RNF128: variants seen among roughly 807,000 people sequenced by gnomAD.
RNF128 encodes ring finger protein 128, also known as E3 ubiquitin-protein ligase RNF128.
In RNF128, 13 loss-of-function variants were observed where a neutral mutation model predicts 26.2. The observed-to-expected ratio is 0.50, with a 90% CI of 0.32 to 0.79. The LOEUF (loss-of-function observed/expected upper bound fraction) is 0.79. RNF128 is among the 30% of genes least tolerant of loss of function. The probability of loss-of-function intolerance (pLI) is 0.03; values close to 1 mark genes in which losing one functional copy is unlikely to be tolerated. For synonymous variants in RNF128, 149 were observed against 142.5 expected (o/e 1.05, Z -0.32); for missense variants, 315 against 349.7 (o/e 0.90, Z 0.79).
At chrX:106,768,513 A>G (rs1930297442) in intron 1 of RNF128, among the ~76,000 whole-genome samples, 1 of 111,786 alleles carries the variant, frequency 8.9e-6, no homozygotes, top group Non-Finnish European at 1.9e-5. Flanking sequence ...AGAGGGGTTT[A>G]TAGTATTCTC....
In RNF128 at chrX:106,727,064, TG is replaced by T; in HGVS notation, c.153del (p.Trp51CysfsTer8). The T allele has an allele frequency of 8.3e-7, 1 of 1,204,427 alleles. No individual in the cohort carries two copies. The highest frequency in any genetic ancestry group is 1.1e-6 in the Non-Finnish European group (1 of 891,981). ...AVWTAYLNVS[W>X]RVPHTGVNRT... ...GTGGACCGCGTACCTCAACGTGTCC[TG>T]GCGGGTTCCGCACACGGGAGTGAAC... On this transcript the variant is annotated frameshift_variant, in exon 1 of 7. Coordinates refer to ENST00000255499, the MANE Select transcript of RNF128 (RefSeq NM_194463.2). LOFTEE classifies it high-confidence loss of function.
intron 1 of RNF128, among the ~76,000 whole-genome samples, chrX:106,766,295 T>A (rs1285682564): frequency 6.2e-5 from 7 of 112,167 alleles, no homozygotes; most frequent in South Asian, 3.7e-4. Context: ...CGCCACACTG[T>A]CTTCCACAAT....
At chrX:106,767,378 CTT>C (rs1930271231) in intron 1 of RNF128, among the ~76,000 whole-genome samples, 1 of 111,916 alleles carries the variant, frequency 8.9e-6, no homozygotes, top group Admixed American at 9.5e-5. Context: ...TTTGTGTCCT[CTT>C]TTATTTCGTT....
chrX:106,754,298 C>A (rs1408477262), intron 1 of RNF128, among the ~76,000 whole-genome samples: 1 of 109,009 alleles, frequency 9.2e-6, no homozygotes, highest in Non-Finnish European at 1.9e-5. Context: ...CGGCTCACTG[C>A]AGCCTAAACC....
chrX:106,705,452 C>T (rs1929028889), intron 1 of RNF128, among the ~76,000 whole-genome samples: 1 of 111,499 alleles, frequency 9.0e-6, no homozygotes, highest in Non-Finnish European at 1.9e-5. Flanking sequence ...ATTAAATGCC[C>T]GGATACCCTG....
chrX:106,728,279 A>C (rs1411688883), intron 1 of RNF128, among the ~76,000 whole-genome samples: 1 of 111,717 alleles, frequency 9.0e-6, no homozygotes, highest in Non-Finnish European at 1.9e-5. Flanking sequence ...GTGTAATAGC[A>C]GTGTATCATA....
chrX:106,786,854 C>T (rs1184720612), intron 3 of RNF128, among the ~76,000 whole-genome samples: 1 of 111,038 alleles, frequency 9.0e-6, no homozygotes, highest in Non-Finnish European at 1.9e-5. Flanking sequence ...AAAAGATGTT[C>T]AACATCATTA....
In RNF128 at chrX:106,701,250, A is replaced by G. The variant is rs186803314; in HGVS notation, c.406+6842A>G. Among the ~76,000 whole-genome samples the G allele has an allele frequency of 4.8e-3, 534 of 111,535 alleles. 3 individuals are homozygous for G. The highest frequency in any genetic ancestry group is 0.016 in the African/African-American group (504 of 30,697). On this transcript the variant is annotated intron_variant, in intron 1 of 6. Coordinates refer to the RNF128 transcript ENST00000324342. ...CATTGTCTAGGGCTACAATAGTGAT[A>G]ACAGTATACATCCTTGACTTGTTCT...
intron 1 of RNF128, among the ~76,000 whole-genome samples, chrX:106,717,827 T>G (rs895326234): frequency 7.1e-5 from 8 of 112,424 alleles, no homozygotes; most frequent in Non-Finnish European, 1.5e-4. Context: ...CTAGCAATAC[T>G]GTTTCATTGA....
intron 1 of RNF128, among the ~76,000 whole-genome samples, chrX:106,740,859 CTAAT>C (rs1257778636): frequency 1.8e-5 from 2 of 111,672 alleles, no homozygotes; most frequent in African/African-American, 3.2e-5. Context: ...GACAAATAAT[CTAAT>C]TATTTTTAAC....
intron 1 of RNF128, among the ~76,000 whole-genome samples, chrX:106,759,626 A>G (rs1930086003): frequency 8.9e-6 from 1 of 112,088 alleles, no homozygotes; most frequent in African/African-American, 3.2e-5. Context: ...AGTTCCTGTC[A>G]TTTGCAACAA....
intron 1 of RNF128, among the ~76,000 whole-genome samples, chrX:106,706,299 G>T (rs1209638972): frequency 1.8e-5 from 2 of 110,379 alleles, no homozygotes; most frequent in Admixed American, 1.9e-4. Context: ...TGTGATTTTT[G>T]TAAATCTAAA....
chrX:106,786,582 A>G lies in RNF128; in HGVS notation c.805-1336A>G, dbSNP rs1930662147. 3.6e-5 allele frequency among the ~76,000 whole-genome samples: 4 copies of G among 111,447 alleles called. No homozygotes were observed. In the South Asian group the frequency reaches 1.5e-3, roughly 41 times the overall value. On this transcript the variant is annotated intron_variant, in intron 3 of 6. Coordinates refer to ENST00000255499, the MANE Select transcript of RNF128 (RefSeq NM_194463.2). ...TAGATATAACTCCAAAAACAAGTCCAAAAAAGAAAAAAGTTGATACATTTG... is the reference window on the plus strand; with the variant it reads ...TAGATATAACTCCAAAAACAAGTCCGAAAAAGAAAAAAGTTGATACATTTG...
At chrX:106,755,918 A>G (rs897175833) in intron 1 of RNF128, among the ~76,000 whole-genome samples, 46 of 111,153 alleles carry the variant, frequency 4.1e-4, no homozygotes, top group African/African-American at 8.5e-4. Flanking sequence ...TGCAAAAATC[A>G]CAAGCATTCT....
intron 2 of RNF128, 90 bp downstream of exon 2, chrX:106,773,250 C>A: frequency 1.1e-6 from 1 of 889,494 alleles, no homozygotes. Context: ...ATTGTACTTG[C>A]TAGACAATGA....
intron 1 of RNF128, among the ~76,000 whole-genome samples, chrX:106,751,394 C>T (rs1337780212): frequency 9.0e-6 from 1 of 110,591 alleles, no homozygotes; most frequent in Non-Finnish European, 1.9e-5. Flanking sequence ...TTAGACCAGC[C>T]CTAGCCGGAG....
At chrX:106,759,299 T>C (rs946609813) in intron 1 of RNF128, among the ~76,000 whole-genome samples, 33 of 111,533 alleles carry the variant, frequency 3.0e-4, no homozygotes, top group Non-Finnish European at 4.0e-4. Context: ...CTGGCGAGGA[T>C]GTAGAGGAAA....
At chrX:106,764,120 G>T (rs779490175) in intron 1 of RNF128, among the ~76,000 whole-genome samples, 1 of 108,776 alleles carries the variant, frequency 9.2e-6, no homozygotes, top group East Asian at 3.0e-4. Flanking sequence ...CCGCCACCAC[G>T]CCCGACTAAT....
intron 1 of RNF128, among the ~76,000 whole-genome samples, chrX:106,706,158 A>C (rs5962359): frequency 0.11 from 12,551 of 111,103 alleles, 1,736 homozygotes; most frequent in African/African-American, 0.39. Context: ...GGTTGCTATT[A>C]ATTCTTGTTT....
Sources: gnomAD v4.1 joint callset for allele counts (sites outside exome capture counted in the v4.1 genomes callset) on GRCh38, gnomAD v4.1.1 for gene constraint, MANE v1.5 for transcripts, NCBI Gene and HGNC (gene_info 2026-07-23, HGNC 2026-07-21) for gene names.